Variants in COLGALT1 observed in about 807,000 individuals in gnomAD.
COLGALT1 encodes procollagen galactosyltransferase 1.
A neutral mutation model predicts 60.8 loss-of-function variants in COLGALT1; 43 were observed. The ratio of observed to expected loss-of-function variants is 0.71; its 90% CI spans 0.55 to 0.91. The LOEUF (loss-of-function observed/expected upper bound fraction) is 0.91. COLGALT1 is among the 40% of genes least tolerant of loss of function. The pLI is 0.00. For missense variants in COLGALT1, 845 were observed against 880.0 expected (o/e 0.96, Z 0.50); for synonymous variants, 369 against 374.2 (o/e 0.99, Z 0.16).
chr19:17,566,507 A>G (rs1168291487), intron 3 of COLGALT1, among the ~76,000 whole-genome samples: 4 of 152,116 alleles, frequency 2.6e-5, no homozygotes, highest in Non-Finnish European at 5.9e-5. Flanking sequence ...ATTTTAGTCT[A>G]GGTGCAGTGG....
chr19:17,580,943 G>A (rs374537382), intron 11 of COLGALT1, 38 bp downstream of exon 11: 36 of 1,607,104 alleles, frequency 2.2e-5, no homozygotes, highest in Admixed American at 8.3e-5. Context: ...GGGGTTTCAC[G>A]GTGGGTCTGT....
Position 17,555,987 on chromosome 19 carries a change from G to A in COLGALT1, c.260+14G>A, listed in dbSNP as rs2076208502. 1.5e-6 allele frequency: 2 copies of A among 1,314,584 alleles called. No homozygotes were observed. The highest frequency in any genetic ancestry group is 9.7e-7 in the Non-Finnish European group (1 of 1,029,048). The allele number at this position is 1,314,584 out of a possible 1,614,324, so 81.4% of individuals were successfully genotyped here. A position where few individuals can be genotyped will look rare whatever the true frequency, so the allele number is the denominator to read the frequency against. Reference sequence around the variant, plus strand: ...CACGGCGCTATGGTGAGTCGAGCCCGCTGTCCCCATCAGGCGGGTCACGCG... The same window carrying A: ...CACGGCGCTATGGTGAGTCGAGCCCACTGTCCCCATCAGGCGGGTCACGCG... On this transcript the variant is annotated intron_variant, in intron 1 of 11. Coordinates refer to ENST00000252599, the MANE Select transcript of COLGALT1 (RefSeq NM_024656.4).
At chr19:17,578,951 A>G (rs940868917) in intron 9 of COLGALT1, among the ~76,000 whole-genome samples, 1 of 152,140 alleles carries the variant, frequency 6.6e-6, no homozygotes, top group African/African-American at 2.4e-5. Context: ...CAGAGGTTGC[A>G]GTGGGCTGAA....
intron 10 of COLGALT1, chr19:17,579,918 G>A (rs1457712587): frequency 3.0e-5 from 11 of 363,960 alleles, no homozygotes; most frequent in Non-Finnish European, 4.2e-5. Context: ...GAGGGCTCAC[G>A]TGGTTCCTGG....
At position 17,581,474 on chromosome 19, in the gene COLGALT1, A is replaced by T. The variant is rs1056563988; in HGVS notation, c.*30A>T. 6.3e-7 allele frequency: 1 copy of T among 1,591,436 alleles called. No homozygotes were observed. The highest frequency in any genetic ancestry group is 1.1e-5 in the South Asian group (1 of 89,460). ...TAGCAGCCAGAAAGCCAAAGCAGCC[A>T]TCGGTGGCCCAGGCTCCACGTGCTT... On this transcript the variant is annotated 3_prime_UTR_variant, in exon 12 of 12. Transcript: ENST00000252599.
chr19:17,564,917 T>C (rs4524058), intron 3 of COLGALT1, among the ~76,000 whole-genome samples: 133,703 of 152,164 alleles, frequency 0.88, 59,102 homozygotes, highest in Middle Eastern at 0.97. Flanking sequence ...TCCCCTAGGC[T>C]CTGGCAGCCA....
chr19:17,573,538 A>T (rs7246010), intron 6 of COLGALT1, among the ~76,000 whole-genome samples: 61 of 151,136 alleles, frequency 4.0e-4, no homozygotes, highest in African/African-American at 7.3e-4. Flanking sequence ...AAAAAAAAAA[A>T]TTTTTTTTTA....
intron 6 of COLGALT1, among the ~76,000 whole-genome samples, chr19:17,573,038 G>A (rs2076321999): frequency 6.6e-6 from 1 of 152,142 alleles, no homozygotes; most frequent in Non-Finnish European, 1.5e-5. Context: ...CCTTCCCCCT[G>A]AGGACAGTCA....
chr19:17,580,156 G>A (rs543446830), intron 10 of COLGALT1: 22 of 190,192 alleles, frequency 1.2e-4, no homozygotes, highest in African/African-American at 4.0e-4. Flanking sequence ...GTGTGGGGGC[G>A]TGGCCAGGGC....
chr19:17,579,934 A>G (rs1055517425), intron 10 of COLGALT1: 5 of 326,596 alleles, frequency 1.5e-5, no homozygotes, highest in Admixed American at 3.8e-5. Flanking sequence ...CCTGGGCCTG[A>G]AGGCACTGTC....
intron 6 of COLGALT1, among the ~76,000 whole-genome samples, chr19:17,573,703 A>G (rs750003326): frequency 5.3e-5 from 8 of 152,056 alleles, no homozygotes. Flanking sequence ...CTCAAAAATA[A>G]TAATAATAAA....
chr19:17,579,557 C>T lies in COLGALT1; in HGVS notation c.1342C>T (p.Leu448=), dbSNP rs1039204810. 5.0e-6 allele frequency: 8 copies of T among 1,612,968 alleles called. No individual in the cohort carries two copies. The highest frequency in any genetic ancestry group is 6.8e-6 in the Non-Finnish European group (8 of 1,179,606). ...TTTTGAGATCTTCTTCAAGAGACGT[C>T]TGATGAACCTCATGCGGGATGTGGA... ...LRFEIFFKRR[L]MNLMRDVERE... The change falls in exon 10 of 12, where the codon CTG becomes TTG. Residue 448 remains leucine (L), a synonymous_variant. Coordinates refer to ENST00000252599, the MANE Select transcript of COLGALT1 (RefSeq NM_024656.4).
In COLGALT1 at chr19:17,581,478, G is replaced by A. The variant is rs1214464508; in HGVS notation, c.*34G>A. Reference sequence around the variant, plus strand: ...AGCCAGAAAGCCAAAGCAGCCATCGGTGGCCCAGGCTCCACGTGCTTACTG... The same window carrying A: ...AGCCAGAAAGCCAAAGCAGCCATCGATGGCCCAGGCTCCACGTGCTTACTG... On this transcript the variant is annotated 3_prime_UTR_variant, in exon 12 of 12. Coordinates refer to ENST00000252599, the MANE Select transcript of COLGALT1 (RefSeq NM_024656.4). 2 of 1,588,242 alleles carry A rather than the reference G, an allele frequency of 1.3e-6. No individual in the cohort carries two copies. The highest frequency in any genetic ancestry group is 1.1e-5 in the South Asian group (1 of 88,834).
At chr19:17,575,818 TAAAAGCACACA>T (rs1185556362) in intron 6 of COLGALT1, among the ~76,000 whole-genome samples, 1 of 152,058 alleles carries the variant, frequency 6.6e-6, no homozygotes. Context: ...TTTCCCCTTT[TAAAAGCACACA>T]AGCCATGTGG....
chr19:17,579,060 A>G (rs2076362149), intron 9 of COLGALT1, among the ~76,000 whole-genome samples: 1 of 151,790 alleles, frequency 6.6e-6, no homozygotes, highest in African/African-American at 2.4e-5. Flanking sequence ...CTGTAATCCC[A>G]GCTGCTCAGG....
chr19:17,556,596 A>C (rs1599773423), intron 1 of COLGALT1: 2 of 946,280 alleles, frequency 2.1e-6, no homozygotes, highest in Non-Finnish European at 2.5e-6. Context: ...GTGACTTCTC[A>C]CTCCCTGCCT....
Position 17,577,353 on chromosome 19 carries a change from G to A in COLGALT1, c.1027-8G>A. 1 of 1,603,422 alleles carries A rather than the reference G, an allele frequency of 6.2e-7. No individual in the cohort carries two copies. Among genetic ancestry groups the A allele is most frequent in the East Asian group, 2.2e-5 (1 of 44,520 alleles). On this transcript the variant is annotated splice_polypyrimidine_tract_variant and splice_region_variant and intron_variant, in intron 7 of 11. Coordinates refer to ENST00000252599, the MANE Select transcript of COLGALT1 (RefSeq NM_024656.4). ...GGCTGATCTGGCTGGGGACTCTCCG[G>A]GCTGCAGGTCTTCATGATCAACCTG... is the stretch of plus-strand genomic sequence containing the variant.
chr19:17,573,752 G>C (rs886621794), intron 6 of COLGALT1, among the ~76,000 whole-genome samples: 1 of 151,930 alleles, frequency 6.6e-6, no homozygotes, highest in African/African-American at 2.4e-5. Context: ...CAAGGTGGGC[G>C]GATCCCTGGA....
At chr19:17,580,655 C>T (rs1328815210) in intron 10 of COLGALT1, 44 bp from the exon 11 acceptor site, 1 of 1,605,898 alleles carries the variant, frequency 6.2e-7, no homozygotes, top group Admixed American at 1.7e-5. Context: ...CAAGCTCCCT[C>T]CGGAGGGCGG....
Sources: allele counts gnomAD v4.1 joint callset (sites outside exome capture counted in the v4.1 genomes callset), GRCh38; gene constraint gnomAD v4.1.1; transcripts MANE v1.5; gene names NCBI Gene and HGNC (gene_info 2026-07-23, HGNC 2026-07-21).